NELL1: variants seen among roughly 807,000 people sequenced by gnomAD.
NELL1 encodes neural EGFL like 1, also known as protein kinase C-binding protein NELL1.
In NELL1, 76 loss-of-function variants were observed where a neutral mutation model predicts 107.4. The observed-to-expected ratio is 0.71, with a 90% CI of 0.59 to 0.86. The LOEUF is 0.86. Ranked by LOEUF, NELL1 falls within the 40% of genes least tolerant of loss-of-function variation. The probability of loss-of-function intolerance (pLI) is 0.00; values close to 1 mark genes in which losing one functional copy is unlikely to be tolerated. For missense variants in NELL1, 1,024 were observed against 1,005.5 expected (o/e 1.02, Z -0.25); for synonymous variants, 353 against 341.2 (o/e 1.03, Z -0.38).
rs936003357 is a variant in NELL1, at chr11:21,575,644, C to CAAAG, written c.*625_*628dup. On this transcript the variant is annotated 3_prime_UTR_variant, in exon 20 of 20. Transcript: ENST00000357134. Reference sequence around the variant, plus strand: ...AGAGGGGAAGGGCCAAAAACATAATCAAAGAATAATTTTAAAGAGAATTCT... The same window carrying CAAAG: ...AGAGGGGAAGGGCCAAAAACATAATCAAAGAAAGAATAATTTTAAAGAGAATTCT... 1 of 151,628 alleles carries CAAAG rather than the reference C, an allele frequency of 6.6e-6. No individual in the cohort carries two copies. The highest frequency in any genetic ancestry group is 6.6e-5 in the Admixed American group (1 of 15,190). 9.4% of individuals were successfully genotyped at this position (151,628 alleles called of 1,614,324 possible).
At chr11:20,939,491 G>A (rs1850803366) in intron 10 of NELL1, among the ~76,000 whole-genome samples, 1 of 152,058 alleles carries the variant, frequency 6.6e-6, no homozygotes, top group South Asian at 2.1e-4. Flanking sequence ...CATTTCTACT[G>A]TCCTGGAGTC....
chr11:20,841,500 C>G (rs1030608051), intron 3 of NELL1, among the ~76,000 whole-genome samples: 5 of 152,056 alleles, frequency 3.3e-5, no homozygotes, highest in African/African-American at 1.2e-4. Flanking sequence ...GAGTCAGGAG[C>G]CTGAATGCTG....
At chr11:21,460,906 C>A (rs1168175589) in intron 15 of NELL1, among the ~76,000 whole-genome samples, 2 of 152,066 alleles carry the variant, frequency 1.3e-5, no homozygotes, top group Non-Finnish European at 2.9e-5. Context: ...CTAGCTCCCT[C>A]ACATTGTGAT....
At chr11:20,959,039 T>G (rs541917656) in intron 11 of NELL1, among the ~76,000 whole-genome samples, 1 of 152,370 alleles carries the variant, frequency 6.6e-6, no homozygotes, top group African/African-American at 2.4e-5. Context: ...AAATTGGTGC[T>G]GATCCTCCTG....
intron 2 of NELL1, among the ~76,000 whole-genome samples, chr11:20,694,297 T>C (rs1854554527): frequency 6.6e-6 from 1 of 152,190 alleles, no homozygotes; most frequent in African/African-American, 2.4e-5. Context: ...ATTTTTGTTT[T>C]TCTTGTGATT....
intron 12 of NELL1, among the ~76,000 whole-genome samples, chr11:21,019,041 A>T (rs1852636418): frequency 3.9e-5 from 6 of 152,074 alleles, no homozygotes; most frequent in Admixed American, 3.9e-4. Context: ...TCCCCTGCGG[A>T]TGGCAGGGAG....
At chr11:21,107,605 G>A (rs375764994) in intron 12 of NELL1, among the ~76,000 whole-genome samples, 1 of 152,072 alleles carries the variant, frequency 6.6e-6, no homozygotes, top group African/African-American at 2.4e-5. Flanking sequence ...GTGGGGGCTC[G>A]GGTCATCTAG....
intron 2 of NELL1, among the ~76,000 whole-genome samples, chr11:20,691,469 A>T (rs1409073611): frequency 6.6e-6 from 1 of 152,002 alleles, no homozygotes; most frequent in African/African-American, 2.4e-5. Flanking sequence ...TCAATACCTA[A>T]TTTATTGAGC....
intron 3 of NELL1, among the ~76,000 whole-genome samples, chr11:20,813,727 G>A (rs1290134297): frequency 6.6e-6 from 1 of 152,062 alleles, no homozygotes. Flanking sequence ...CTCCAGCATT[G>A]TTCACAGATG....
chr11:21,149,333 G>C (rs968564817), intron 13 of NELL1, among the ~76,000 whole-genome samples: 1 of 152,334 alleles, frequency 6.6e-6, no homozygotes, highest in Non-Finnish European at 1.5e-5. Flanking sequence ...CCCAAGACTG[G>C]GTTATTTATA....
At chr11:21,072,970 A>G (rs149949504) in intron 12 of NELL1, among the ~76,000 whole-genome samples, 4 of 152,248 alleles carry the variant, frequency 2.6e-5, no homozygotes, top group African/African-American at 9.6e-5. Context: ...TGACCTTTTA[A>G]TCTAGCTTGC....
intron 12 of NELL1, among the ~76,000 whole-genome samples, chr11:21,087,089 T>C (rs1398102876): frequency 6.6e-5 from 10 of 152,158 alleles, no homozygotes; most frequent in Admixed American, 6.5e-4. Context: ...TCCGCACGCC[T>C]CGGCCGCCCA....
intron 12 of NELL1, among the ~76,000 whole-genome samples, chr11:20,976,026 A>C (rs59769704): frequency 7.0e-6 from 1 of 142,316 alleles, no homozygotes; most frequent in East Asian, 2.0e-4. Flanking sequence ...CTGTACATAT[A>C]TGTATTATAT....
At chr11:21,230,433 G>A (rs1053371254) in intron 14 of NELL1, among the ~76,000 whole-genome samples, 1 of 152,188 alleles carries the variant, frequency 6.6e-6, no homozygotes, top group Admixed American at 6.5e-5. Flanking sequence ...CACACGGTAG[G>A]TGCTTGTTCA....
At chr11:20,732,555 T>G (rs1855671501) in intron 2 of NELL1, among the ~76,000 whole-genome samples, 1 of 152,016 alleles carries the variant, frequency 6.6e-6, no homozygotes, top group South Asian at 2.1e-4. Flanking sequence ...GTCTGAGGAT[T>G]TGGAGATCAT....
intron 2 of NELL1, among the ~76,000 whole-genome samples, chr11:20,719,564 T>G (rs972709090): frequency 6.6e-6 from 1 of 152,220 alleles, no homozygotes; most frequent in Non-Finnish European, 1.5e-5. Flanking sequence ...TTGAGCATGT[T>G]CTTTAGCTCC....
At chr11:20,853,336 A>G (rs1848824884) in intron 4 of NELL1, among the ~76,000 whole-genome samples, 1 of 152,218 alleles carries the variant, frequency 6.6e-6, no homozygotes, top group South Asian at 2.1e-4. Flanking sequence ...ATGGAAACAT[A>G]TTTTGGACCC....
chr11:21,534,854 T>G (rs112934521), intron 16 of NELL1, among the ~76,000 whole-genome samples: 2,344 of 152,180 alleles, frequency 0.015, 59 homozygotes, highest in African/African-American at 0.054. Flanking sequence ...ACTGTAGAGA[T>G]GAGGAAATGT....
chr11:21,138,453 C>T (rs1337642028), intron 13 of NELL1, among the ~76,000 whole-genome samples: 1 of 152,118 alleles, frequency 6.6e-6, no homozygotes, highest in Admixed American at 6.5e-5. Context: ...GACACGTCAA[C>T]AAGAAAATAA....
Sources: allele counts gnomAD v4.1 joint callset (sites outside exome capture counted in the v4.1 genomes callset), GRCh38; gene constraint gnomAD v4.1.1; transcripts MANE v1.5; gene names NCBI Gene and HGNC (gene_info 2026-07-23, HGNC 2026-07-21).